Variants in ANKRD26 observed in about 807,000 individuals in gnomAD.
ANKRD26 encodes ankyrin repeat domain-containing protein 26.
A neutral mutation model predicts 208.7 loss-of-function variants in ANKRD26; 141 were observed. The ratio of observed to expected loss-of-function variants is 0.68; its 90% CI spans 0.59 to 0.78. The LOEUF (loss-of-function observed/expected upper bound fraction) is 0.78. Ranked by LOEUF, ANKRD26 falls within the 30% of genes least tolerant of loss-of-function variation. ANKRD26 has a pLI of 0.00. For missense variants in ANKRD26, 1,889 were observed against 1,938.7 expected, an observed-to-expected ratio of 0.97 and a Z score of 0.48; for synonymous variants, 636 against 660.4, an observed-to-expected ratio of 0.96 and a Z score of 0.57.
intron 29 of ANKRD26, among the ~76,000 whole-genome samples, chr10:27,018,141 ATTT>A (rs11346457): frequency 1.6e-4 from 21 of 131,118 alleles, no homozygotes; most frequent in Non-Finnish European, 1.9e-4. Flanking sequence ...ATGCCCTATA[ATTT>A]TTTTTTTTTT....
At chr10:26,999,522 G>A (rs2134728640), downstream of ANKRD26, among the ~76,000 whole-genome samples, 1 of 152,270 alleles carries the variant, frequency 6.6e-6, no homozygotes, top group South Asian at 2.1e-4. Context: ...GGCACAATAT[G>A]TCAGGGGCTT....
chr10:27,006,351 T>C (rs907704805), intron 33 of ANKRD26, among the ~76,000 whole-genome samples: 2 of 152,186 alleles, frequency 1.3e-5, no homozygotes, highest in African/African-American at 2.4e-5. Context: ...AGAAATAAGG[T>C]TGAATAACGT....
intron 7 of ANKRD26, among the ~76,000 whole-genome samples, chr10:27,078,792 T>C (rs2055793301): frequency 6.6e-6 from 1 of 152,046 alleles, no homozygotes; most frequent in African/African-American, 2.4e-5. Context: ...ATTTCCTCTA[T>C]TGTAGGAAAA....
At chr10:27,048,481 T>C (rs981646425) in intron 17 of ANKRD26, among the ~76,000 whole-genome samples, 9 of 152,180 alleles carry the variant, frequency 5.9e-5, no homozygotes, top group African/African-American at 1.7e-4. Flanking sequence ...AGGTTAAAGA[T>C]AGGAAATATT....
chr10:26,965,169 G>A, the ANKRD26 span, among the ~76,000 whole-genome samples: 1 of 152,118 alleles, frequency 6.6e-6, no homozygotes, highest in Non-Finnish European at 1.5e-5. Context: ...AGCCCTCATT[G>A]CCAAGTCAAT....
chr10:27,051,254 G>T (rs1391677576), intron 16 of ANKRD26: 5 of 1,289,654 alleles, frequency 3.9e-6, no homozygotes, highest in Non-Finnish European at 5.1e-6. Context: ...TATTAGCACT[G>T]CAATGATCAT....
intron 4 of ANKRD26, among the ~76,000 whole-genome samples, chr10:26,995,766 T>G (rs1369161122): frequency 6.6e-6 from 1 of 152,158 alleles, no homozygotes; most frequent in Non-Finnish European, 1.5e-5. Flanking sequence ...CCTTGTCCCT[T>G]ATTGGCTAAT....
chr10:27,074,399 G>A (rs983479615), intron 9 of ANKRD26, among the ~76,000 whole-genome samples: 2 of 152,204 alleles, frequency 1.3e-5, no homozygotes, highest in African/African-American at 4.8e-5. Flanking sequence ...TGTAGTGGGG[G>A]GCTGGGCATG....
Position 27,086,639 on chromosome 10 carries a change from G to A in ANKRD26, c.639-30C>T, listed in dbSNP as rs749840258. ...GTATAGAAAAATGTAACAAAATTAT[G>A]TTAATACTGATACAAAAAATATTTA... On this transcript the variant is annotated intron_variant, in intron 4 of 33. Transcript: ENST00000376087. The A allele has an allele frequency of 3.8e-6, 6 of 1,578,186 alleles. No homozygotes were observed. In the Admixed American group the frequency reaches 8.7e-5, roughly 23 times the overall value.
chr10:27,086,611 T>G lies in ANKRD26; in HGVS notation c.639-2A>C. On this transcript the variant is annotated splice_acceptor_variant, in intron 4 of 33. Transcript: ENST00000376087. LOFTEE classifies it high-confidence loss of function. ...TATTCTGAAATTAGTTGGTGACTGC[T>G]ATGTATAGAAAAATGTAACAAAATT... 1 of 1,601,800 alleles carries G rather than the reference T, an allele frequency of 6.2e-7. No individual in the cohort carries two copies. The highest frequency in any genetic ancestry group is 8.5e-7 in the Non-Finnish European group (1 of 1,173,436).
the ANKRD26 span, among the ~76,000 whole-genome samples, chr10:26,960,250 C>T: frequency 6.6e-6 from 1 of 152,204 alleles, no homozygotes; most frequent in African/African-American, 2.4e-5. Flanking sequence ...TGACCCTGTG[C>T]CAGCTCTGGG....
chr10:27,066,175 C>A (rs537674406), intron 11 of ANKRD26: 105 of 182,550 alleles, frequency 5.8e-4, no homozygotes, highest in African/African-American at 2.3e-3. Flanking sequence ...TGAAATAATT[C>A]TTTAGTTTTT....
rs768196747 is a variant in ANKRD26 at position 27,034,830 on chromosome 10, T to C, written c.3620A>G (p.Gln1207Arg). The C allele has an allele frequency of 3.7e-6, 6 of 1,610,980 alleles. No homozygotes were observed. In the Admixed American group the frequency reaches 6.7e-5, roughly 18 times the overall value. ...ISECNHLKER[Q>R]YQYENEKAER... ...TGCCTTTTCATTTTCATATTGATAC[T>C]GTCTTTCTTTTAAGTGATTACATTC... The change falls in exon 24 of 34, where the codon CAG becomes CGG. Residue 1207 changes from glutamine (Q) to arginine (R), a missense_variant. Physicochemically the swap from Gln to Arg is conservative, Grantham distance 43 (BLOSUM62 1). This residue lies in a region of ANKRD26 where 613 missense variants were observed against 648.2 expected (regional missense o/e 0.95). Coordinates refer to ENST00000376087, the MANE Select transcript of ANKRD26 (RefSeq NM_014915.3).
At chr10:27,029,470 A>G in intron 25 of ANKRD26, 114 bp from the exon 26 acceptor site, 2 of 962,326 alleles carry the variant, frequency 2.1e-6, no homozygotes, top group Non-Finnish European at 3.2e-6. Flanking sequence ...TTCAATATGC[A>G]TATTGTTTAT....
chr10:26,973,714 T>C (rs11015439), downstream of ANKRD26, among the ~76,000 whole-genome samples: 122,880 of 142,824 alleles, frequency 0.86, 53,252 homozygotes, highest in East Asian at 1. Flanking sequence ...AGTGCAGTGG[T>C]GCAATTTTGG....
intron 4 of ANKRD26, among the ~76,000 whole-genome samples, chr10:27,088,858 C>T (rs1053951696): frequency 5.3e-5 from 8 of 152,192 alleles, no homozygotes; most frequent in African/African-American, 1.9e-4. Flanking sequence ...CCATGGGTAA[C>T]TTACCATGAA....
the ANKRD26 span, among the ~76,000 whole-genome samples, chr10:26,963,942 T>C: frequency 2.1e-5 from 3 of 140,250 alleles, no homozygotes; most frequent in Non-Finnish European, 4.5e-5. Flanking sequence ...GACAGGATCT[T>C]TTTGAGACAC....
chr10:27,029,081 CG>C, intron 26 of ANKRD26, 136 bp from the exon 27 acceptor site: 1 of 999,208 alleles, frequency 1.0e-6, no homozygotes, highest in East Asian at 2.6e-5. Context: ...GCAACTCTAT[CG>C]TTTTTCTAGT....
intron 9 of ANKRD26, chr10:27,077,086 AC>A (rs2055726107): frequency 2.0e-6 from 1 of 511,480 alleles, no homozygotes; most frequent in Non-Finnish European, 3.5e-6. Flanking sequence ...GAATATAGAT[AC>A]AAAAATCCTC....
Sources: allele counts gnomAD v4.1 joint callset (sites outside exome capture counted in the v4.1 genomes callset), GRCh38; gene constraint gnomAD v4.1.1; regional missense constraint gnomAD v4.1.1; transcripts MANE v1.5; gene names NCBI Gene and HGNC (gene_info 2026-07-23, HGNC 2026-07-21).